The following LMBR1 variants were observed in gnomAD, a reference collection of about 807,000 sequenced individuals.
The protein encoded by LMBR1 is limb development membrane protein 1.
Under a neutral mutation model 73.9 loss-of-function variants are expected in LMBR1, and 52 were observed. The ratio of observed to expected loss-of-function variants is 0.70; its 90% CI spans 0.56 to 0.89. The LOEUF (loss-of-function observed/expected upper bound fraction) is 0.89. LMBR1 is among the 40% of genes least tolerant of loss of function. The pLI, the probability that LMBR1 is intolerant of heterozygous loss-of-function variation, is 0.00. For missense variants in LMBR1, 539 were observed against 579.8 expected (o/e 0.93, Z 0.72); for synonymous variants, 215 against 209.4 (o/e 1.03, Z -0.23).
At chr7:156,828,303 C>T (rs559721625) in intron 3 of LMBR1, among the ~76,000 whole-genome samples, 1 of 152,322 alleles carries the variant, frequency 6.6e-6, no homozygotes, top group South Asian at 2.1e-4. Flanking sequence ...CTAGAATACC[C>T]TCTAAGTTGC....
At chr7:156,807,765 A>C (rs1832402613) in intron 4 of LMBR1, among the ~76,000 whole-genome samples, 1 of 152,128 alleles carries the variant, frequency 6.6e-6, no homozygotes, top group Non-Finnish European at 1.5e-5. Context: ...CTATACATTG[A>C]CCTTTAAAAA....
At chr7:156,771,390 G>A (rs146836453) in intron 5 of LMBR1, among the ~76,000 whole-genome samples, 223 of 152,160 alleles carry the variant, frequency 1.5e-3, no homozygotes, top group African/African-American at 5.2e-3. Context: ...TGACAAAGAC[G>A]GCATTACCAC....
At position 156,782,366 on chromosome 7, in the gene LMBR1, A is replaced by AT. The variant is rs1307485760; in HGVS notation, c.423+14022dup. On this transcript the variant is annotated intron_variant, in intron 5 of 16. Transcript: ENST00000353442. ...AATTGCTGGATCAGATGGTAATTCC[A>AT]TTTTTAATTTTTTAACAAATCGTCA... Among the ~76,000 whole-genome samples the AT allele has an allele frequency of 2.6e-5, 4 of 152,242 alleles. No individual in the cohort carries two copies. The East Asian group carries it at 7.7e-4, about 29-fold the overall frequency.
At chr7:156,793,351 T>A (rs533090103) in intron 5 of LMBR1, among the ~76,000 whole-genome samples, 1 of 152,236 alleles carries the variant, frequency 6.6e-6, no homozygotes, top group Non-Finnish European at 1.5e-5. Flanking sequence ...CCAACTTTCA[T>A]GTGACTGATT....
Position 156,679,847 on chromosome 7 carries a change from A to G in LMBR1, c.*4231T>C, listed in dbSNP as rs1437908616. The G allele has an allele frequency of 6.6e-6, 1 of 152,214 alleles. No individual in the cohort carries two copies. Among genetic ancestry groups the G allele is most frequent in the Non-Finnish European group, 1.5e-5 (1 of 68,046 alleles). The allele number at this position is 152,214 out of a possible 1,614,324, so 9.4% of individuals were successfully genotyped here. ...AACACCAAATCCATATCCAAGAATA[A>G]TGAGGTTTTGTGTGAAGTTCCTATT... On this transcript the variant is annotated 3_prime_UTR_variant, in exon 17 of 17. Transcript: ENST00000353442.
chr7:156,817,832 C>T (rs1333571254), intron 4 of LMBR1, among the ~76,000 whole-genome samples: 2 of 152,066 alleles, frequency 1.3e-5, no homozygotes, highest in Non-Finnish European at 2.9e-5. Flanking sequence ...ACAAAATAGG[C>T]ATTGGATCGT....
At position 156,839,037 on chromosome 7, in the gene LMBR1, T is replaced by C. The variant is rs183266471; in HGVS notation, c.67-2152A>G. The stretch of plus-strand genomic sequence containing the variant: ...GTCTTCTTTTGAGAAATATCTATTC[T>C]AGTCCTTTGCTTTTTTTTTTTTTTT... On this transcript the variant is annotated intron_variant, in intron 1 of 16. Coordinates refer to ENST00000353442, the MANE Select transcript of LMBR1 (RefSeq NM_022458.4). Among the ~76,000 whole-genome samples the C allele has an allele frequency of 5.4e-3, 815 of 150,070 alleles. 30 individuals carry two copies. Among genetic ancestry groups the C allele is most frequent in the Admixed American group, 0.05 (740 of 14,856 alleles).
At chr7:156,732,809 T>G (rs1033560779) in intron 10 of LMBR1, among the ~76,000 whole-genome samples, 5 of 152,180 alleles carry the variant, frequency 3.3e-5, no homozygotes, top group Non-Finnish European at 7.3e-5. Context: ...TGTTTCCAAG[T>G]AACTTAACTA....
At chr7:156,762,832 A>AGT (rs144974995) in intron 7 of LMBR1, among the ~76,000 whole-genome samples, 12 of 135,064 alleles carry the variant, frequency 8.9e-5, no homozygotes, top group East Asian at 6.9e-4. Context: ...AGTGTGTGAA[A>AGT]GTGTGTGAGT....
intron 3 of LMBR1, among the ~76,000 whole-genome samples, chr7:156,831,275 A>ATTTTTT (rs10633275): frequency 0.018 from 2,321 of 127,734 alleles, 46 homozygotes; most frequent in Non-Finnish European, 0.02. Flanking sequence ...CCTACCCTAG[A>ATTTTTT]TTTTTTTTTT....
chr7:156,736,750 T>C (rs184209008), intron 9 of LMBR1: 18 of 333,138 alleles, frequency 5.4e-5, no homozygotes, highest in Non-Finnish European at 8.4e-5. Context: ...AAAATGCCTA[T>C]CCACATAGCA....
At chr7:156,762,643 T>C (rs1445080626) in intron 7 of LMBR1, among the ~76,000 whole-genome samples, 1 of 152,234 alleles carries the variant, frequency 6.6e-6, no homozygotes, top group South Asian at 2.1e-4. Context: ...TAGGCTGTGA[T>C]GCTTCAAGTA....
intron 3 of LMBR1, 134 bp downstream of exon 3, chr7:156,833,619 A>C: frequency 1.5e-6 from 1 of 652,966 alleles, no homozygotes; most frequent in East Asian, 3.1e-5. Context: ...GTGCTTTCTA[A>C]AATTAATATG....
intron 1 of LMBR1, among the ~76,000 whole-genome samples, chr7:156,877,974 C>A (rs1438834117): frequency 7.3e-5 from 11 of 151,582 alleles, no homozygotes; most frequent in Non-Finnish European, 4.4e-5. Context: ...TAAATAGACA[C>A]AGAAAAAGCA....
chr7:156,749,150 T>C (rs1027222957), intron 9 of LMBR1, among the ~76,000 whole-genome samples: 2 of 152,182 alleles, frequency 1.3e-5, no homozygotes, highest in African/African-American at 4.8e-5. Flanking sequence ...TATTCTCCCT[T>C]CAGTGACGTA....
intron 15 of LMBR1, among the ~76,000 whole-genome samples, chr7:156,702,971 CA>C (rs1810120521): frequency 1.3e-5 from 2 of 152,110 alleles, no homozygotes; most frequent in African/African-American, 4.8e-5. Context: ...GGCCTGGGGC[CA>C]AAAATGGGGA....
At chr7:156,725,939 T>C in intron 12 of LMBR1, 102 bp from the exon 13 acceptor site, 2 of 833,872 alleles carry the variant, frequency 2.4e-6, no homozygotes, top group Non-Finnish European at 3.8e-6. Context: ...ATTATGAATG[T>C]TTACTACTTT....
chr7:156,829,575 C>G (rs1460978261), intron 3 of LMBR1, among the ~76,000 whole-genome samples: 1 of 152,156 alleles, frequency 6.6e-6, no homozygotes, highest in Non-Finnish European at 1.5e-5. Context: ...GAACTGCGAG[C>G]CAAATAAATC....
At chr7:156,827,992 G>C (rs1248447280) in intron 3 of LMBR1, among the ~76,000 whole-genome samples, 1 of 152,208 alleles carries the variant, frequency 6.6e-6, no homozygotes, top group South Asian at 2.1e-4. Flanking sequence ...GACAAGTGCT[G>C]TCTCAGGTCC....
Sources: gnomAD v4.1 joint callset for allele counts (sites outside exome capture counted in the v4.1 genomes callset) on GRCh38, gnomAD v4.1.1 for gene constraint, MANE v1.5 for transcripts, NCBI Gene and HGNC (gene_info 2026-07-23, HGNC 2026-07-21) for gene names.